The following MACROD2 variants were observed in gnomAD, a reference collection of about 807,000 sequenced individuals.
MACROD2 encodes the protein mono-ADP ribosylhydrolase 2.
MACROD2 carries 36 observed loss-of-function variants against 70.4 expected under a neutral mutation model. The ratio of observed to expected loss-of-function variants is 0.51; its 90% CI spans 0.39 to 0.68. MACROD2 has a LOEUF of 0.68. Among genes scored for constraint, MACROD2 ranks in the 30% least tolerant of loss-of-function variants. MACROD2 has a pLI of 0.00. For missense variants in MACROD2, 496 were observed against 538.4 expected, an observed-to-expected ratio of 0.92 and a Z score of 0.78; for synonymous variants, 172 against 178.8, an observed-to-expected ratio of 0.96 and a Z score of 0.30.
At chr20:15,645,435 A>G (rs186638390) in intron 8 of MACROD2, among the ~76,000 whole-genome samples, 132 of 152,300 alleles carry the variant, frequency 8.7e-4, no homozygotes, top group Non-Finnish European at 1.7e-3. Context: ...TGAGACATAC[A>G]TTGAAGATGT....
chr20:14,072,067 T>C (rs1377988885), intron 2 of MACROD2, among the ~76,000 whole-genome samples: 1 of 152,256 alleles, frequency 6.6e-6, no homozygotes, highest in African/African-American at 2.4e-5. Flanking sequence ...ACATGATTAA[T>C]ATCTGCAAAT....
Position 14,720,536 on chromosome 20 carries a change from CTTTTTTTTTTTTTTTT to C in MACROD2, c.418+35596_418+35611del, listed in dbSNP as rs753673265. On this transcript the variant is annotated intron_variant, in intron 5 of 17. Transcript: ENST00000684519. Reference sequence around the variant, plus strand: ...GTTTCATTTCCCAGCTGCCCCACAACTTTTTTTTTTTTTTTTTTTTTTTTTTTTTTTTTTGTGAGGC... The same window carrying C: ...GTTTCATTTCCCAGCTGCCCCACAACTTTTTTTTTTTTTTTTTTGTGAGGC... 1.0e-3 allele frequency among the ~76,000 whole-genome samples: 36 copies of C among 35,946 alleles called. 1 individual carries two copies. The highest frequency in any genetic ancestry group is 9.7e-4 in the African/African-American group (9 of 9,260). The allele number at this position is 35,946 out of a possible 152,430, so 23.6% of individuals were successfully genotyped here.
intron 8 of MACROD2, among the ~76,000 whole-genome samples, chr20:15,684,730 T>C (rs1321083884): frequency 6.6e-6 from 1 of 152,196 alleles, no homozygotes; most frequent in East Asian, 1.9e-4. Flanking sequence ...ACATATGCTG[T>C]AGGAGGAGAT....
chr20:14,212,724 C>A (rs1384571242), intron 3 of MACROD2, among the ~76,000 whole-genome samples: 2 of 151,556 alleles, frequency 1.3e-5, no homozygotes, highest in Admixed American at 1.3e-4. Flanking sequence ...AAACCACATA[C>A]CTGTCAGGAT....
intron 8 of MACROD2, among the ~76,000 whole-genome samples, chr20:15,693,899 C>A (rs893108368): frequency 2.8e-5 from 4 of 145,198 alleles, no homozygotes; most frequent in Non-Finnish European, 6.1e-5. Context: ...CCAAAGTCCA[C>A]TGCATCATTC....
intron 8 of MACROD2, among the ~76,000 whole-genome samples, chr20:15,701,428 T>C (rs2050456252): frequency 6.6e-6 from 1 of 152,140 alleles, no homozygotes; most frequent in African/African-American, 2.4e-5. Context: ...TTTCAATTAT[T>C]CGTAACCTTA....
chr20:14,440,491 T>C (rs541681396), intron 3 of MACROD2, among the ~76,000 whole-genome samples: 24 of 152,294 alleles, frequency 1.6e-4, no homozygotes, highest in African/African-American at 5.5e-4. Context: ...GCCTGGCTAA[T>C]AGTAATTGTT....
intron 8 of MACROD2, among the ~76,000 whole-genome samples, chr20:15,669,944 G>A (rs2049956801): frequency 6.6e-6 from 1 of 152,128 alleles, no homozygotes. Context: ...TGTGTTTTGT[G>A]TGCATTACCT....
At chr20:14,634,432 A>G (rs1203418502) in intron 4 of MACROD2, among the ~76,000 whole-genome samples, 1 of 152,198 alleles carries the variant, frequency 6.6e-6, no homozygotes, top group Non-Finnish European at 1.5e-5. Context: ...ATCGATTTGT[A>G]TATTCCTCCT....
chr20:15,553,945 T>C (rs1372968142), intron 8 of MACROD2, among the ~76,000 whole-genome samples: 1 of 152,074 alleles, frequency 6.6e-6, no homozygotes, highest in Non-Finnish European at 1.5e-5. Flanking sequence ...ATTTTAGGCA[T>C]TAGGACAGAT....
intron 5 of MACROD2, among the ~76,000 whole-genome samples, chr20:14,864,220 G>T (rs1568842719): frequency 6.6e-6 from 1 of 152,084 alleles, no homozygotes; most frequent in Non-Finnish European, 1.5e-5. Context: ...AATGCTATGA[G>T]AAGTCCTATA....
chr20:13,996,529 T>G (rs2148604254), intron 1 of MACROD2: 1 of 152,692 alleles, frequency 6.5e-6, no homozygotes, highest in African/African-American at 2.4e-5. Flanking sequence ...AGTAAGATTT[T>G]GTGACTAATG....
intron 8 of MACROD2, among the ~76,000 whole-genome samples, chr20:15,736,183 T>G (rs2097961509): frequency 6.6e-6 from 1 of 152,218 alleles, no homozygotes; most frequent in Non-Finnish European, 1.5e-5. Context: ...GCTCAGTACC[T>G]GTTGGTTTCT....
chr20:14,800,227 AGG>A (rs1270005430), intron 5 of MACROD2, among the ~76,000 whole-genome samples: 1 of 152,058 alleles, frequency 6.6e-6, no homozygotes, highest in African/African-American at 2.4e-5. Context: ...AAAACTTTAA[AGG>A]AGAGAACAAA....
At chr20:14,596,292 G>A (rs886235779) in intron 4 of MACROD2, among the ~76,000 whole-genome samples, 2 of 151,202 alleles carry the variant, frequency 1.3e-5, no homozygotes, top group Non-Finnish European at 3.0e-5. Flanking sequence ...GGGTTTCACC[G>A]TGTTAGCCAG....
At chr20:14,909,172 G>C (rs927365515) in intron 5 of MACROD2, among the ~76,000 whole-genome samples, 1 of 152,158 alleles carries the variant, frequency 6.6e-6, no homozygotes, top group South Asian at 2.1e-4. Flanking sequence ...GGTGGAGCTT[G>C]TTCCCTAAAT....
intron 10 of MACROD2, chr20:15,893,858 G>A (rs1303210078): frequency 6.6e-6 from 3 of 456,724 alleles, no homozygotes; most frequent in South Asian, 4.6e-5. Flanking sequence ...GGATAAAGGT[G>A]AGAGAAATGG....
At chr20:14,855,540 A>G (rs1293039099) in intron 5 of MACROD2, among the ~76,000 whole-genome samples, 1 of 150,498 alleles carries the variant, frequency 6.6e-6, no homozygotes, top group Non-Finnish European at 1.5e-5. Context: ...ATAACCTTTC[A>G]TACTTAATAC....
At chr20:14,121,755 G>A (rs558397667) in intron 3 of MACROD2, among the ~76,000 whole-genome samples, 6 of 152,214 alleles carry the variant, frequency 3.9e-5, no homozygotes, top group African/African-American at 1.4e-4. Flanking sequence ...ACTTCTGACT[G>A]CTTTTCTATT....
Sources: allele counts gnomAD v4.1 joint callset (sites outside exome capture counted in the v4.1 genomes callset), GRCh38; gene constraint gnomAD v4.1.1; transcripts MANE v1.5; gene names NCBI Gene and HGNC (gene_info 2026-07-23, HGNC 2026-07-21).